Variants in CYSTM1 observed in about 807,000 individuals in gnomAD.
CYSTM1 encodes cysteine-rich transmembrane module-containing protein 1.
A neutral mutation model predicts 13.1 loss-of-function variants in CYSTM1; 4 were observed. The ratio of observed to expected loss-of-function variants is 0.31; its 90% CI spans 0.15 to 0.70. The LOEUF (loss-of-function observed/expected upper bound fraction) is 0.70. Among genes scored for constraint, CYSTM1 ranks in the 30% least tolerant of loss-of-function variants. CYSTM1 has a pLI of 0.72. For synonymous variants in CYSTM1, 36 were observed against 42.7 expected (o/e 0.84, Z 0.62); for missense variants, 96 against 121.6 (o/e 0.79, Z 0.99).
intron 2 of CYSTM1, chr5:140,203,104 T>G (rs1007667013): frequency 6.6e-6 from 1 of 152,180 alleles, no homozygotes; most frequent in Non-Finnish European, 1.5e-5. Flanking sequence ...TCAGAGTAGG[T>G]GGGTTTTTTC....
intron 1 of CYSTM1, among the ~76,000 whole-genome samples, chr5:140,182,274 A>G (rs1763969137): frequency 6.6e-6 from 1 of 152,204 alleles, no homozygotes; most frequent in Admixed American, 6.5e-5. Flanking sequence ...TTCAGGCAGC[A>G]GTAGATGGGT....
At chr5:140,197,848 C>T (rs1764175425) in intron 2 of CYSTM1, among the ~76,000 whole-genome samples, 1 of 152,042 alleles carries the variant, frequency 6.6e-6, no homozygotes, top group Non-Finnish European at 1.5e-5. Flanking sequence ...TAATTGGCGT[C>T]TGGTAATTAG....
intron 1 of CYSTM1, among the ~76,000 whole-genome samples, chr5:140,185,773 A>G (rs1010789056): frequency 6.6e-6 from 1 of 152,204 alleles, no homozygotes; most frequent in African/African-American, 2.4e-5. Flanking sequence ...TCTTCCTAGG[A>G]GAAGGCCTAC....
chr5:140,177,594 G>C (rs1394481619), intron 1 of CYSTM1, among the ~76,000 whole-genome samples: 2 of 152,200 alleles, frequency 1.3e-5, no homozygotes, highest in African/African-American at 4.8e-5. Flanking sequence ...ACTCAAAGGA[G>C]TGCAAATCCA....
intron 1 of CYSTM1, among the ~76,000 whole-genome samples, chr5:140,176,803 C>A (rs550807025): frequency 1.3e-5 from 2 of 152,296 alleles, no homozygotes; most frequent in Non-Finnish European, 2.9e-5. Context: ...GGTGCGGTGG[C>A]TCACACCTGT....
chr5:140,228,493 G>C lies in CYSTM1; in HGVS notation c.188-14812G>C, dbSNP rs551714747. Among the ~76,000 whole-genome samples the C allele has an allele frequency of 7.2e-5, 11 of 152,332 alleles. No homozygotes were observed. The South Asian group carries it at 1.9e-3, about 26-fold the overall frequency. The stretch of plus-strand genomic sequence containing the variant: ...GTTGGGTTTCCTGGTCAGCTTGGAG[G>C]AGAGGTGGCAGGAACAGTGGTCTGA... On this transcript the variant is annotated intron_variant, in intron 2 of 2. Coordinates refer to ENST00000261811, the MANE Select transcript of CYSTM1 (RefSeq NM_032412.4).
At chr5:140,185,934 TA>T (rs1490851064) in intron 1 of CYSTM1, among the ~76,000 whole-genome samples, 1 of 152,260 alleles carries the variant, frequency 6.6e-6, no homozygotes. Context: ...TCAGTTTTAG[TA>T]ACTTGTGTAA....
chr5:140,232,949 A>G (rs1236807856), intron 2 of CYSTM1, among the ~76,000 whole-genome samples: 1 of 152,230 alleles, frequency 6.6e-6, no homozygotes. Flanking sequence ...AGGGTCCAGC[A>G]CATAGATAAC....
intron 2 of CYSTM1, among the ~76,000 whole-genome samples, chr5:140,231,746 T>C (rs1226400970): frequency 6.6e-6 from 1 of 152,142 alleles, no homozygotes; most frequent in Non-Finnish European, 1.5e-5. Flanking sequence ...GCAGGAAAGA[T>C]GGTGGCTCAT....
chr5:140,183,157 G>C (rs575699588), intron 1 of CYSTM1, among the ~76,000 whole-genome samples: 145 of 152,352 alleles, frequency 9.5e-4, no homozygotes, highest in Non-Finnish European at 1.7e-3. Flanking sequence ...GGGCTGGGCT[G>C]GCAGGGGACC....
intron 2 of CYSTM1, among the ~76,000 whole-genome samples, chr5:140,212,190 C>T (rs1162169101): frequency 6.6e-6 from 1 of 152,144 alleles, no homozygotes; most frequent in Non-Finnish European, 1.5e-5. Context: ...TGTCTAGTTT[C>T]AAATTTGTAT....
chr5:140,195,156 A>G (rs1342600912), intron 2 of CYSTM1, among the ~76,000 whole-genome samples: 2 of 152,228 alleles, frequency 1.3e-5, no homozygotes, highest in Non-Finnish European at 2.9e-5. Flanking sequence ...GCTATAGAAC[A>G]GTGTTACTCA....
At chr5:140,215,898 T>C (rs1764420373) in intron 2 of CYSTM1, among the ~76,000 whole-genome samples, 1 of 152,176 alleles carries the variant, frequency 6.6e-6, no homozygotes, top group Non-Finnish European at 1.5e-5. Context: ...CCCAACACTT[T>C]GGGAGGTCAA....
In CYSTM1 at chr5:140,175,274, TGGAGA is replaced by T. The variant is rs1426891001; in HGVS notation, c.-24_-21+1del. The T allele has an allele frequency of 1.3e-5, 2 of 152,240 alleles. No individual in the cohort carries two copies. Among genetic ancestry groups the T allele is most frequent in the African/African-American group, 2.4e-5 (1 of 41,412 alleles). The allele number at this position is 152,240 out of a possible 1,614,324, so 9.4% of individuals were successfully genotyped here. ...ACCCGACCGTTATCCAGTCGGTTCG[TGGAGA>T]GGAGAGGTGAGGTGCAGCGGACCTG... On this transcript the variant is annotated 5_prime_UTR_variant, in exon 1 of 3. Transcript: ENST00000261811. This position sits in a 1 kb window ranked among gnomAD's most constrained non-coding sequence, Gnocchi z 4.9.
intron 2 of CYSTM1, among the ~76,000 whole-genome samples, chr5:140,235,950 T>C (rs529757411): frequency 1.3e-5 from 2 of 152,310 alleles, no homozygotes; most frequent in Non-Finnish European, 2.9e-5. Flanking sequence ...CAAATCTGGC[T>C]GGTGTCAAGA....
intron 2 of CYSTM1, among the ~76,000 whole-genome samples, chr5:140,238,761 G>A (rs528437975): frequency 6.6e-6 from 1 of 152,338 alleles, no homozygotes; most frequent in South Asian, 2.1e-4. Context: ...CATCTGAGCA[G>A]TAAAGGGCTA....
chr5:140,235,036 G>A (rs113659213), intron 2 of CYSTM1, among the ~76,000 whole-genome samples: 37 of 151,046 alleles, frequency 2.4e-4, no homozygotes, highest in African/African-American at 4.6e-4. Flanking sequence ...GCGCGATCTC[G>A]GCTTACTGCA....
chr5:140,213,419 G>A (rs1764394196), intron 2 of CYSTM1, among the ~76,000 whole-genome samples: 1 of 152,106 alleles, frequency 6.6e-6, no homozygotes, highest in African/African-American at 2.4e-5. Context: ...CAAAGTTACA[G>A]TAAGCTAAGG....
intron 1 of CYSTM1, among the ~76,000 whole-genome samples, chr5:140,184,101 C>T (rs866344357): frequency 9.0e-6 from 1 of 111,282 alleles, no homozygotes; most frequent in Admixed American, 8.8e-5. Context: ...GTATAATGTA[C>T]AGTTTAATCA....
Sources: allele counts gnomAD v4.1 joint callset (sites outside exome capture counted in the v4.1 genomes callset), GRCh38; gene constraint gnomAD v4.1.1; non-coding constraint Gnocchi (gnomAD v3.1); transcripts MANE v1.5; gene names NCBI Gene and HGNC (gene_info 2026-07-23, HGNC 2026-07-21).